Variants in FSD1L observed in about 807,000 individuals in gnomAD.
FSD1L encodes FSD1-like protein.
Under a neutral mutation model 71.6 loss-of-function variants are expected in FSD1L, and 45 were observed. The observed-to-expected ratio is 0.63, with a 90% CI of 0.49 to 0.81. The LOEUF (loss-of-function observed/expected upper bound fraction) is 0.81. FSD1L is among the 30% of genes least tolerant of loss of function. FSD1L has a pLI of 0.00. For missense variants in FSD1L, 561 were observed against 618.1 expected (o/e 0.91, Z 0.98); for synonymous variants, 197 against 207.2 (o/e 0.95, Z 0.42).
chr9:105,458,022 A>G (rs917827268), intron 1 of FSD1L, among the ~76,000 whole-genome samples: 1 of 151,952 alleles, frequency 6.6e-6, no homozygotes, highest in African/African-American at 2.4e-5. Context: ...GGGGTGCTAC[A>G]CCTCTCTTGT....
chr9:105,479,953 T>C (rs1256022545), intron 6 of FSD1L, among the ~76,000 whole-genome samples: 1 of 152,200 alleles, frequency 6.6e-6, no homozygotes, highest in African/African-American at 2.4e-5. Context: ...AAAAGTTCTT[T>C]CTTATTGGTA....
At chr9:105,527,405 C>G in intron 10 of FSD1L, among the ~76,000 whole-genome samples, 1 of 152,094 alleles carries the variant, frequency 6.6e-6, no homozygotes. Flanking sequence ...AAAAAGGAAC[C>G]TAACCCAGGA....
intron 8 of FSD1L, among the ~76,000 whole-genome samples, 194 bp downstream of exon 8, chr9:105,506,802 TC>T (rs1372177181): frequency 1.5e-4 from 23 of 151,964 alleles, no homozygotes; most frequent in African/African-American, 5.3e-4. Flanking sequence ...AGGATCTTGT[TC>T]TATTATCTCC....
chr9:105,535,190 A>G lies in FSD1L; in HGVS notation c.1250A>G (p.Asn417Ser). ...LGKFDQLGKT[N>S]TSWCIHVNNW... ...AAATTTGACCAATTGGGAAAGACAAACACTAGTTGGTGTATCCATGTCAAC... is the reference window on the plus strand; with the variant it reads ...AAATTTGACCAATTGGGAAAGACAAGCACTAGTTGGTGTATCCATGTCAAC... Residue 417 changes from asparagine (N) to serine (S), a missense_variant, in exon 12 of 14, where the codon AAC becomes AGC. Physicochemically the swap from Asn to Ser is conservative, Grantham distance 46. Around this residue, in one of 3 missense-constraint regions of FSD1L, gnomAD observed 53 missense variants for 102.2 expected, o/e 0.52. Coordinates refer to ENST00000481272, the MANE Select transcript of FSD1L (RefSeq NM_001145313.3). 1 of 1,552,070 alleles carries G rather than the reference A, an allele frequency of 6.4e-7. No individual in the cohort carries two copies. The highest frequency in any genetic ancestry group is 1.2e-5 in the South Asian group (1 of 84,062).
intron 1 of FSD1L, among the ~76,000 whole-genome samples, chr9:105,455,011 T>C (rs1830276553): frequency 6.6e-6 from 1 of 152,198 alleles, no homozygotes; most frequent in Non-Finnish European, 1.5e-5. Flanking sequence ...TTGCATCACA[T>C]CTGAGCATGA....
chr9:105,521,582 G>A (rs1835158965), intron 10 of FSD1L: 1 of 1,613,340 alleles, frequency 6.2e-7, no homozygotes, highest in Non-Finnish European at 8.5e-7. Flanking sequence ...TCCAACAAGA[G>A]GAAAAACCTT....
chr9:105,543,649 G>T (rs552484943), intron 13 of FSD1L, among the ~76,000 whole-genome samples: 19 of 151,708 alleles, frequency 1.3e-4, no homozygotes, highest in African/African-American at 4.6e-4. Context: ...TGTTTTCATT[G>T]TTCAGTTCCC....
At chr9:105,502,160 A>G (rs1833800594) in intron 7 of FSD1L, among the ~76,000 whole-genome samples, 1 of 151,998 alleles carries the variant, frequency 6.6e-6, no homozygotes, top group African/African-American at 2.4e-5. Context: ...TTCTTCTTTA[A>G]TTGTCTAGCT....
intron 4 of FSD1L, among the ~76,000 whole-genome samples, chr9:105,471,647 C>T (rs369814280): frequency 3.4e-5 from 5 of 148,402 alleles, no homozygotes; most frequent in African/African-American, 5.0e-5. Context: ...AAGCTGTTTT[C>T]GATAAATTAT....
At chr9:105,487,666 C>G (rs1449855614) in intron 7 of FSD1L, among the ~76,000 whole-genome samples, 1 of 151,944 alleles carries the variant, frequency 6.6e-6, no homozygotes, top group Non-Finnish European at 1.5e-5. Context: ...TGGTGTATAT[C>G]CTTGCTCACC....
At chr9:105,457,212 G>C (rs1830412534) in intron 1 of FSD1L, among the ~76,000 whole-genome samples, 1 of 152,204 alleles carries the variant, frequency 6.6e-6, no homozygotes, top group Non-Finnish European at 1.5e-5. Flanking sequence ...AAGTGAGAGG[G>C]CTCCTAGGTA....
At chr9:105,458,822 AACCATT>A (rs1409100337) in intron 1 of FSD1L, among the ~76,000 whole-genome samples, 1 of 152,134 alleles carries the variant, frequency 6.6e-6, no homozygotes, top group Admixed American at 6.5e-5. Context: ...CTATCACTAG[AACCATT>A]AAGGGGTAAA....
chr9:105,542,667 G>A (rs1014521452), intron 13 of FSD1L, among the ~76,000 whole-genome samples: 6 of 152,082 alleles, frequency 3.9e-5, no homozygotes, highest in African/African-American at 1.4e-4. Context: ...TATTGCCCAG[G>A]CTGGTCTCAA....
At chr9:105,501,596 ATTTTTTTT>A (rs5899666) in intron 7 of FSD1L, among the ~76,000 whole-genome samples, 1 of 133,374 alleles carries the variant, frequency 7.5e-6, no homozygotes, top group Non-Finnish European at 1.6e-5. Context: ...CTAATTTTTA[ATTTTTTTT>A]TTTTTTTTTG....
intron 7 of FSD1L, among the ~76,000 whole-genome samples, chr9:105,501,783 C>A (rs1833780048): frequency 6.6e-6 from 1 of 151,812 alleles, no homozygotes; most frequent in South Asian, 2.1e-4. Flanking sequence ...ATACTTAGGT[C>A]CAAAAAAGTT....
intron 1 of FSD1L, among the ~76,000 whole-genome samples, chr9:105,452,568 C>G (rs1830074899): frequency 6.6e-6 from 1 of 152,048 alleles, no homozygotes; most frequent in Non-Finnish European, 1.5e-5. Context: ...TAAAATGTAA[C>G]AGGGATAAGC....
At chr9:105,504,263 T>C (rs1016113222) in intron 7 of FSD1L, among the ~76,000 whole-genome samples, 1 of 152,250 alleles carries the variant, frequency 6.6e-6, no homozygotes, top group African/African-American at 2.4e-5. Context: ...ATATGTATTA[T>C]AAGGACAGAA....
At chr9:105,472,040 G>A in intron 5 of FSD1L, 35 bp downstream of exon 5, 1 of 1,407,650 alleles carries the variant, frequency 7.1e-7, no homozygotes, top group Non-Finnish European at 9.3e-7. Flanking sequence ...CTTAACAAGG[G>A]AAGTTGTATT....
At chr9:105,521,792 A>G in intron 10 of FSD1L, 1 of 1,612,678 alleles carries the variant, frequency 6.2e-7, no homozygotes, top group Non-Finnish European at 8.5e-7. Flanking sequence ...ACACCTCTGA[A>G]GAAGCCACAG....
Sources: allele counts gnomAD v4.1 joint callset (sites outside exome capture counted in the v4.1 genomes callset), GRCh38; gene constraint gnomAD v4.1.1; regional missense constraint gnomAD v4.1.1; transcripts MANE v1.5; gene names NCBI Gene and HGNC (gene_info 2026-07-23, HGNC 2026-07-21).